Variants in MAF observed in about 807,000 individuals in gnomAD.
The protein encoded by MAF is transcription factor Maf.
Under a neutral mutation model 22.0 loss-of-function variants are expected in MAF, and 10 were observed. The observed-to-expected ratio is 0.45, with a 90% CI of 0.28 to 0.77. The LOEUF (loss-of-function observed/expected upper bound fraction) is 0.77, where lower values mean the gene tolerates loss of function less well. Among genes scored for constraint, MAF ranks in the 30% least tolerant of loss-of-function variants. MAF has a pLI of 0.12. For synonymous variants in MAF, 337 were observed against 255.8 expected, an observed-to-expected ratio of 1.32 and a Z score of -3.03; for missense variants, 544 against 548.4, an observed-to-expected ratio of 0.99 and a Z score of 0.08.
intron 1 of MAF, chr16:79,595,367 C>G (rs1300624496): frequency 9.5e-7 from 1 of 1,051,142 alleles, no homozygotes; most frequent in Admixed American, 5.5e-5. Flanking sequence ...CCAAACACAA[C>G]CTGTTTTCTT....
the MAF span, among the ~76,000 whole-genome samples, chr16:79,329,923 C>G: frequency 1.1e-4 from 16 of 151,890 alleles, no homozygotes; most frequent in African/African-American, 3.4e-4. Flanking sequence ...GCATAAAGAA[C>G]AGACACACCA....
the MAF span, among the ~76,000 whole-genome samples, chr16:79,391,657 C>G: frequency 6.6e-6 from 1 of 152,054 alleles, no homozygotes; most frequent in Non-Finnish European, 1.5e-5. Context: ...GCTTCCCACG[C>G]TGAAACGTAG....
At chr16:79,366,187 G>A in the MAF span, among the ~76,000 whole-genome samples, 23 of 152,260 alleles carry the variant, frequency 1.5e-4, no homozygotes, top group Non-Finnish European at 2.8e-4. Context: ...ATAGTATCAG[G>A]ACATCTGAAA....
the MAF span, among the ~76,000 whole-genome samples, chr16:79,235,520 A>G: frequency 6.6e-6 from 1 of 151,994 alleles, no homozygotes; most frequent in African/African-American, 2.4e-5. Context: ...GCACTACTGC[A>G]TTCCACACTG....
chr16:79,487,151 T>G, the MAF span, among the ~76,000 whole-genome samples: 3 of 151,530 alleles, frequency 2.0e-5, no homozygotes, highest in Non-Finnish European at 4.4e-5. Context: ...CCCATTCAGT[T>G]ATAGAACCTC....
the MAF span, among the ~76,000 whole-genome samples, chr16:79,356,629 C>T: frequency 6.6e-6 from 1 of 152,160 alleles, no homozygotes; most frequent in African/African-American, 2.4e-5. Context: ...CCATTCACTC[C>T]ACAGGGCCTT....
the MAF span, among the ~76,000 whole-genome samples, chr16:79,224,158 C>T: frequency 6.6e-6 from 1 of 152,166 alleles, no homozygotes; most frequent in Non-Finnish European, 1.5e-5. Context: ...AAAGCTTATG[C>T]ACCACGATCG....
chr16:79,444,389 C>G, the MAF span, among the ~76,000 whole-genome samples: 1 of 152,014 alleles, frequency 6.6e-6, no homozygotes, highest in Admixed American at 6.6e-5. Context: ...GAAAAATTAG[C>G]GTGGATTTTA....
At chr16:79,217,980 C>A in the MAF span, among the ~76,000 whole-genome samples, 1 of 81,454 alleles carries the variant, frequency 1.2e-5, no homozygotes, top group African/African-American at 4.9e-5. Context: ...TTTTTAGAAG[C>A]TTATGTAAAA....
At chr16:79,210,490 A>G in the MAF span, among the ~76,000 whole-genome samples, 1 of 152,110 alleles carries the variant, frequency 6.6e-6, no homozygotes, top group African/African-American at 2.4e-5. Flanking sequence ...TTTCCCCCAC[A>G]ATCAAAGTTC....
the MAF span, among the ~76,000 whole-genome samples, chr16:79,495,649 G>T: frequency 6.6e-6 from 1 of 152,110 alleles, no homozygotes; most frequent in African/African-American, 2.4e-5. Flanking sequence ...TGCCTGCCGC[G>T]ACTGTTAAAA....
the MAF span, among the ~76,000 whole-genome samples, chr16:79,471,457 A>C: frequency 6.6e-6 from 1 of 152,186 alleles, no homozygotes; most frequent in East Asian, 1.9e-4. Flanking sequence ...CAGGAGTTAC[A>C]GCTCAGGCTG....
chr16:79,550,596 G>A, the MAF span, among the ~76,000 whole-genome samples: 6 of 152,228 alleles, frequency 3.9e-5, no homozygotes, highest in Admixed American at 2.0e-4. Flanking sequence ...TGAAGTCAAG[G>A]GCCACCTGGC....
chr16:79,577,470 G>T, the MAF span, among the ~76,000 whole-genome samples: 2 of 152,136 alleles, frequency 1.3e-5, no homozygotes, highest in Admixed American at 6.5e-5. Flanking sequence ...TAGAATATCT[G>T]CCTCTCTATT....
At chr16:79,513,179 G>A in the MAF span, among the ~76,000 whole-genome samples, 2 of 152,258 alleles carry the variant, frequency 1.3e-5, no homozygotes, top group Non-Finnish European at 2.9e-5. Flanking sequence ...CTATAGCCCG[G>A]GCGACAGCCC....
At chr16:79,462,337 A>T in the MAF span, among the ~76,000 whole-genome samples, 1 of 152,216 alleles carries the variant, frequency 6.6e-6, no homozygotes, top group Non-Finnish European at 1.5e-5. Flanking sequence ...TAACCTACTT[A>T]AGTCCACCAA....
chr16:79,207,033 C>T, the MAF span, among the ~76,000 whole-genome samples: 2 of 152,266 alleles, frequency 1.3e-5, no homozygotes, highest in South Asian at 2.1e-4. Context: ...GAGATGACCT[C>T]TGCACTGTTC....
the MAF span, among the ~76,000 whole-genome samples, chr16:79,219,203 C>A: frequency 1.3e-5 from 2 of 152,286 alleles, no homozygotes; most frequent in African/African-American, 4.8e-5. Context: ...GTGTCTTCTT[C>A]CGGCTTTCCT....
the MAF span, among the ~76,000 whole-genome samples, chr16:79,461,245 T>G: frequency 6.6e-6 from 1 of 152,348 alleles, no homozygotes; most frequent in African/African-American, 2.4e-5. Flanking sequence ...GTGATATATT[T>G]ACTTAAGTAG....
Sources: allele counts gnomAD v4.1 joint callset (sites outside exome capture counted in the v4.1 genomes callset), GRCh38; gene constraint gnomAD v4.1.1; transcripts MANE v1.5; gene names NCBI Gene and HGNC (gene_info 2026-07-23, HGNC 2026-07-21).